Variants in NXPH2 observed in about 807,000 individuals in gnomAD.
NXPH2 encodes neurexophilin 2.
Under a neutral mutation model 19.8 loss-of-function variants are expected in NXPH2, and 5 were observed. The ratio of observed to expected loss-of-function variants is 0.25; its 90% CI spans 0.13 to 0.53. The LOEUF is 0.53. Ranked by LOEUF, NXPH2 falls within the 20% of genes least tolerant of loss-of-function variation. The pLI is 0.96. For synonymous variants in NXPH2, 154 were observed against 127.4 expected (o/e 1.21, Z -1.41); for missense variants, 289 against 322.8 (o/e 0.90, Z 0.80).
At chr2:138,748,683 GA>G (rs1681779687) in intron 1 of NXPH2, among the ~76,000 whole-genome samples, 2 of 151,812 alleles carry the variant, frequency 1.3e-5, no homozygotes, top group East Asian at 3.9e-4. Context: ...ACAGAAAGAA[GA>G]AATTGTCATA....
chr2:138,744,779 C>A (rs569397484), intron 1 of NXPH2, among the ~76,000 whole-genome samples: 5 of 152,142 alleles, frequency 3.3e-5, no homozygotes, highest in Admixed American at 1.3e-4. Flanking sequence ...GGCTCTAGCC[C>A]CACCATGTAA....
chr2:138,773,083 C>G (rs1302335104), intron 1 of NXPH2, among the ~76,000 whole-genome samples: 1 of 152,170 alleles, frequency 6.6e-6, no homozygotes, highest in Non-Finnish European at 1.5e-5. Context: ...TGTTGGAAGG[C>G]ACTTGTTCAG....
intron 1 of NXPH2, among the ~76,000 whole-genome samples, chr2:138,723,544 A>T (rs899130260): frequency 6.6e-6 from 1 of 152,150 alleles, no homozygotes. Context: ...CCCAAGTTCT[A>T]TCTCCATGTG....
At chr2:138,759,887 G>A (rs1385596811) in intron 1 of NXPH2, among the ~76,000 whole-genome samples, 8 of 151,788 alleles carry the variant, frequency 5.3e-5, no homozygotes, top group African/African-American at 1.7e-4. Flanking sequence ...CTGCCACCAC[G>A]CCCGGCTAAT....
chr2:138,682,204 A>AAAAT lies in NXPH2; in HGVS notation c.52-10543_52-10540dup, dbSNP rs568407958. 5.4e-4 allele frequency among the ~76,000 whole-genome samples: 83 copies of AAAAT among 152,350 alleles called. 4 individuals are homozygous for AAAAT. In the South Asian group the frequency reaches 0.017, roughly 32 times the overall value. On this transcript the variant is annotated intron_variant, in intron 1 of 1. Coordinates refer to ENST00000272641, the MANE Select transcript of NXPH2 (RefSeq NM_007226.3). The stretch of plus-strand genomic sequence containing the variant: ...GGCATCCCATTTGAATATAACAAAC[A>AAAAT]AAATATATAATTAATGATCAAATTC...
At chr2:138,714,727 A>T (rs1681163444) in intron 1 of NXPH2, among the ~76,000 whole-genome samples, 1 of 152,352 alleles carries the variant, frequency 6.6e-6, no homozygotes, top group African/African-American at 2.4e-5. Context: ...CTATATCCTT[A>T]TACCAAATTA....
chr2:138,703,303 TCTAA>T (rs1449251528), intron 1 of NXPH2, among the ~76,000 whole-genome samples: 1 of 152,018 alleles, frequency 6.6e-6, no homozygotes, highest in African/African-American at 2.4e-5. Flanking sequence ...CCTCTGAGAG[TCTAA>T]CTAATGAACG....
intron 1 of NXPH2, among the ~76,000 whole-genome samples, chr2:138,703,681 T>C (rs1680966136): frequency 6.6e-6 from 1 of 152,216 alleles, no homozygotes; most frequent in Non-Finnish European, 1.5e-5. Context: ...TGGGACATAA[T>C]GTGACTAAAT....
chr2:138,674,668 G>A (rs1680460120), intron 1 of NXPH2, among the ~76,000 whole-genome samples: 1 of 152,134 alleles, frequency 6.6e-6, no homozygotes, highest in Non-Finnish European at 1.5e-5. Context: ...CCCAGACTCT[G>A]CTTCTGACTT....
chr2:138,686,312 G>T (rs1053991802), intron 1 of NXPH2, among the ~76,000 whole-genome samples: 3 of 152,104 alleles, frequency 2.0e-5, no homozygotes, highest in Non-Finnish European at 4.4e-5. Context: ...AGAAGTCCTG[G>T]AAAAGGTTCA....
intron 1 of NXPH2, among the ~76,000 whole-genome samples, chr2:138,734,531 C>T (rs1258597276): frequency 6.6e-6 from 1 of 152,036 alleles, no homozygotes; most frequent in Non-Finnish European, 1.5e-5. Flanking sequence ...GAAGGGAGTA[C>T]TTGAGCTGAA....
At chr2:138,738,868 G>A (rs1420882101) in intron 1 of NXPH2, among the ~76,000 whole-genome samples, 1 of 152,184 alleles carries the variant, frequency 6.6e-6, no homozygotes, top group Non-Finnish European at 1.5e-5. Flanking sequence ...TCTCTCATCA[G>A]CTTCTTTGGA....
At chr2:138,779,165 A>C (rs1164463630) in intron 1 of NXPH2, among the ~76,000 whole-genome samples, 1 of 152,228 alleles carries the variant, frequency 6.6e-6, no homozygotes, top group African/African-American at 2.4e-5. Context: ...GCTTGGGCAA[A>C]GTCTTAAGTA....
chr2:138,708,028 A>G (rs1024543073), intron 1 of NXPH2, among the ~76,000 whole-genome samples: 15 of 152,174 alleles, frequency 9.9e-5, no homozygotes, highest in African/African-American at 3.6e-4. Context: ...GGCAGTCACA[A>G]ATCTGACTGT....
chr2:138,686,933 T>C (rs1318275710), intron 1 of NXPH2, among the ~76,000 whole-genome samples: 2 of 152,348 alleles, frequency 1.3e-5, no homozygotes, highest in East Asian at 1.9e-4. Context: ...GTGCCACATT[T>C]TCTTAATCCA....
At chr2:138,712,484 C>A (rs983697783) in intron 1 of NXPH2, among the ~76,000 whole-genome samples, 1 of 152,166 alleles carries the variant, frequency 6.6e-6, no homozygotes, top group Non-Finnish European at 1.5e-5. Flanking sequence ...GAATGGCCAA[C>A]AATACAATCA....
Position 138,778,455 on chromosome 2 carries a change from GA to G in NXPH2, c.51+1735del, listed in dbSNP as rs796866872. On this transcript the variant is annotated intron_variant, in intron 1 of 1. Coordinates refer to ENST00000272641, the MANE Select transcript of NXPH2 (RefSeq NM_007226.3). ...ATTCCTTACTGACTATGGCGGTGTG[GA>G]AAAAAAAAATATCTAACATTTCCAA... Among the ~76,000 whole-genome samples, 86 of 149,908 alleles carry G rather than the reference GA, an allele frequency of 5.7e-4. 1 individual carries two copies. Among genetic ancestry groups the G allele is most frequent in the East Asian group, 3.7e-3 (19 of 5,128 alleles).
At chr2:138,774,072 GCACACAAAAGT>G (rs1200664126) in intron 1 of NXPH2, among the ~76,000 whole-genome samples, 1 of 152,116 alleles carries the variant, frequency 6.6e-6, no homozygotes, top group Non-Finnish European at 1.5e-5. Flanking sequence ...TTCTATTCAG[GCACACAAAAGT>G]CACTTGCTAG....
intron 1 of NXPH2, among the ~76,000 whole-genome samples, chr2:138,673,685 C>G (rs570799058): frequency 2.7e-5 from 4 of 149,516 alleles, no homozygotes; most frequent in Admixed American, 2.0e-4. Context: ...CAGTTTGATG[C>G]CCAGGTGGTC....
Sources: gnomAD v4.1 joint callset for allele counts (sites outside exome capture counted in the v4.1 genomes callset) on GRCh38, gnomAD v4.1.1 for gene constraint, MANE v1.5 for transcripts, NCBI Gene and HGNC (gene_info 2026-07-23, HGNC 2026-07-21) for gene names.